GALNTL6: variants seen among roughly 807,000 people sequenced by gnomAD.
The protein encoded by GALNTL6 is polypeptide N-acetylgalactosaminyltransferase like 6.
A neutral mutation model predicts 73.7 loss-of-function variants in GALNTL6; 46 were observed. The ratio of observed to expected loss-of-function variants is 0.62; its 90% CI spans 0.49 to 0.80. The LOEUF (loss-of-function observed/expected upper bound fraction) is 0.80, where lower values mean the gene tolerates loss of function less well. Ranked by LOEUF, GALNTL6 falls within the 30% of genes least tolerant of loss-of-function variation. GALNTL6 has a pLI of 0.00. For missense variants in GALNTL6, 604 were observed against 755.0 expected (o/e 0.80, Z 2.34); for synonymous variants, 259 against 263.7 (o/e 0.98, Z 0.17).
chr4:172,280,350 A>G (rs937187903), intron 3 of GALNTL6, among the ~76,000 whole-genome samples: 1 of 152,192 alleles, frequency 6.6e-6, no homozygotes, highest in Admixed American at 6.5e-5. Context: ...GAACATTCAC[A>G]AGGTGGGCCT....
chr4:172,502,336 T>C (rs962965062), intron 5 of GALNTL6, among the ~76,000 whole-genome samples: 1 of 152,204 alleles, frequency 6.6e-6, no homozygotes, highest in African/African-American at 2.4e-5. Context: ...AGGTCATTTA[T>C]TCCAGTGCTC....
At chr4:172,247,593 T>C (rs576270814) in intron 3 of GALNTL6, among the ~76,000 whole-genome samples, 3 of 152,242 alleles carry the variant, frequency 2.0e-5, no homozygotes, top group East Asian at 3.9e-4. Flanking sequence ...CTTTCTCTAA[T>C]CCACTAGTTG....
At chr4:172,410,227 A>C (rs765353123) in intron 5 of GALNTL6, among the ~76,000 whole-genome samples, 25 of 152,048 alleles carry the variant, frequency 1.6e-4, no homozygotes, top group Middle Eastern at 6.8e-3. Flanking sequence ...TTTTCCATAA[A>C]ACTTAATTTA....
chr4:172,355,086 A>C (rs1302415892), intron 5 of GALNTL6, among the ~76,000 whole-genome samples: 1 of 152,038 alleles, frequency 6.6e-6, no homozygotes, highest in East Asian at 1.9e-4. Context: ...ATAGAAATAT[A>C]TATTTTTTCT....
At chr4:172,014,149 C>A (rs576758332) in intron 2 of GALNTL6, among the ~76,000 whole-genome samples, 1 of 152,056 alleles carries the variant, frequency 6.6e-6, no homozygotes, top group Admixed American at 6.6e-5. Flanking sequence ...GCTTCCAAAC[C>A]TTTGCTATCA....
chr4:172,214,795 G>T (rs1367574302), intron 2 of GALNTL6, among the ~76,000 whole-genome samples: 1 of 152,070 alleles, frequency 6.6e-6, no homozygotes, highest in Non-Finnish European at 1.5e-5. Context: ...TAACAGATGT[G>T]AGGCACCGTG....
At chr4:172,663,035 T>C (rs1024374876) in intron 5 of GALNTL6, among the ~76,000 whole-genome samples, 1 of 152,146 alleles carries the variant, frequency 6.6e-6, no homozygotes, top group African/African-American at 2.4e-5. Context: ...AAGAAAAAGC[T>C]TGGCATGAGA....
At position 172,898,072 on chromosome 4, in the gene GALNTL6, T is replaced by G. The variant is rs142924655; in HGVS notation, c.1041+15165T>G. On this transcript the variant is annotated intron_variant, in intron 8 of 12. Coordinates refer to ENST00000506823, the MANE Select transcript of GALNTL6 (RefSeq NM_001034845.3). ...ATTAAAATGAAAGAAATCAAGTTAT[T>G]GCAGCTTTTTATGTTTGTATTTTTT... Among the ~76,000 whole-genome samples the G allele has an allele frequency of 1.8e-3, 275 of 152,300 alleles. 1 individual carries two copies. Among genetic ancestry groups the G allele is most frequent in the African/African-American group, 6.2e-3 (256 of 41,556 alleles).
At chr4:172,739,180 A>T (rs182292221) in intron 5 of GALNTL6, among the ~76,000 whole-genome samples, 1 of 152,176 alleles carries the variant, frequency 6.6e-6, no homozygotes, top group Admixed American at 6.6e-5. Flanking sequence ...GGAGGGCCTT[A>T]GAATTTTATT....
chr4:172,748,170 C>G (rs975015715), intron 5 of GALNTL6, among the ~76,000 whole-genome samples: 1 of 151,936 alleles, frequency 6.6e-6, no homozygotes, highest in African/African-American at 2.4e-5. Context: ...TAATAAAAAA[C>G]AAGTAAGATA....
intron 4 of GALNTL6, among the ~76,000 whole-genome samples, chr4:172,323,083 A>G (rs1320121767): frequency 6.6e-6 from 1 of 152,160 alleles, no homozygotes; most frequent in East Asian, 1.9e-4. Flanking sequence ...AACACAACAA[A>G]TTATTTCATC....
chr4:172,549,681 A>G (rs2110895720), intron 5 of GALNTL6, among the ~76,000 whole-genome samples: 1 of 152,294 alleles, frequency 6.6e-6, no homozygotes, highest in African/African-American at 2.4e-5. Flanking sequence ...TAATGCACAC[A>G]AGCTAGTTCT....
intron 2 of GALNTL6, among the ~76,000 whole-genome samples, chr4:172,204,699 A>T (rs3966): frequency 0.33 from 50,555 of 151,986 alleles, 10,350 homozygotes; most frequent in South Asian, 0.58. Context: ...AAATTTATGA[A>T]CCCTTTTGAG....
intron 2 of GALNTL6, among the ~76,000 whole-genome samples, chr4:171,979,499 G>A (rs1739827122): frequency 2.0e-5 from 3 of 152,192 alleles, no homozygotes; most frequent in Non-Finnish European, 4.4e-5. Flanking sequence ...ACTTGGGTCA[G>A]GGAAAAGAAG....
At chr4:171,906,348 A>G (rs1737277546) in intron 2 of GALNTL6, among the ~76,000 whole-genome samples, 1 of 151,568 alleles carries the variant, frequency 6.6e-6, no homozygotes, top group East Asian at 1.9e-4. Flanking sequence ...AACTACCATC[A>G]GAGAATACTA....
intron 4 of GALNTL6, among the ~76,000 whole-genome samples, chr4:172,314,754 C>G (rs1341501031): frequency 1.3e-5 from 2 of 151,494 alleles, no homozygotes; most frequent in Non-Finnish European, 2.9e-5. Flanking sequence ...ATTACAGGCA[C>G]CTGCCACCAA....
chr4:172,327,574 T>A (rs1740984582), intron 4 of GALNTL6, among the ~76,000 whole-genome samples: 1 of 152,190 alleles, frequency 6.6e-6, no homozygotes, highest in African/African-American at 2.4e-5. Flanking sequence ...GTCTGGGTGC[T>A]CCTGTGTTGA....
intron 7 of GALNTL6, among the ~76,000 whole-genome samples, chr4:172,822,062 T>C (rs1741962580): frequency 6.6e-6 from 1 of 152,306 alleles, no homozygotes; most frequent in Admixed American, 6.5e-5. Flanking sequence ...CTTTCTTCCC[T>C]CTCCCTATGG....
chr4:172,341,994 C>T (rs1197058611), intron 4 of GALNTL6, among the ~76,000 whole-genome samples: 1 of 152,054 alleles, frequency 6.6e-6, no homozygotes, highest in Non-Finnish European at 1.5e-5. Flanking sequence ...TTTAAATATG[C>T]AAAACCAATA....
Sources: allele counts gnomAD v4.1 joint callset (sites outside exome capture counted in the v4.1 genomes callset), GRCh38; gene constraint gnomAD v4.1.1; transcripts MANE v1.5; gene names NCBI Gene and HGNC (gene_info 2026-07-23, HGNC 2026-07-21).